The following HMCN2 variants were observed in gnomAD, a reference collection of about 807,000 sequenced individuals.
HMCN2 encodes hemicentin-2.
A neutral mutation model predicts 377.5 loss-of-function variants in HMCN2; 325 were observed. The observed-to-expected ratio is 0.86, with a 90% CI of 0.79 to 0.94. The LOEUF (loss-of-function observed/expected upper bound fraction) is 0.94, where lower values mean the gene tolerates loss of function less well. Among genes scored for constraint, HMCN2 ranks in the 40% least tolerant of loss-of-function variants. The probability of loss-of-function intolerance (pLI) is 0.00; values close to 1 mark genes in which losing one functional copy is unlikely to be tolerated. For missense variants in HMCN2, 4,543 were observed against 4,725.3 expected (o/e 0.96, Z 1.13); for synonymous variants, 2,007 against 2,046.8 (o/e 0.98, Z 0.53).
chr9:130,402,909 G>C lies in HMCN2; in HGVS notation c.11878+13G>C, dbSNP rs1263398600. Reference sequence around the variant, plus strand: ...CTCACTGTGCAAGGTAAGGGTCCGTGGTCCAGACCCCAGAGTTCCTAGGGC... The same window carrying C: ...CTCACTGTGCAAGGTAAGGGTCCGTCGTCCAGACCCCAGAGTTCCTAGGGC... On this transcript the variant is annotated intron_variant, in intron 78 of 97. Coordinates refer to ENST00000683500, the MANE Select transcript of HMCN2 (RefSeq NM_001291815.2). 2.3e-6 allele frequency: 3 copies of C among 1,287,754 alleles called. No individual in the cohort carries two copies. Among genetic ancestry groups the C allele is most frequent in the Non-Finnish European group, 3.0e-6 (3 of 987,784 alleles). The allele number at this position is 1,287,754 out of a possible 1,614,324, so 79.8% of individuals were successfully genotyped here.
chr9:130,431,346 C>G (rs750004333), intron 95 of HMCN2, 21 bp from the exon 96 acceptor site: 1 of 1,547,378 alleles, frequency 6.5e-7, no homozygotes, highest in South Asian at 1.2e-5. Flanking sequence ...CCCACCTGCC[C>G]CACCCCCATG....
chr9:130,266,456 A>T (rs1319142100), intron 1 of HMCN2, among the ~76,000 whole-genome samples: 1 of 152,178 alleles, frequency 6.6e-6, no homozygotes, highest in African/African-American at 2.4e-5. Flanking sequence ...AATGGTGAGG[A>T]TGGCCTCCCA....
intron 15 of HMCN2, among the ~76,000 whole-genome samples, chr9:130,311,169 C>T (rs1042849789): frequency 1.1e-4 from 17 of 152,174 alleles, no homozygotes; most frequent in Admixed American, 1.0e-3. Context: ...GAGGCCACGG[C>T]GAGAGAGGCA....
intron 15 of HMCN2, among the ~76,000 whole-genome samples, chr9:130,315,635 G>C (rs1245482056): frequency 6.6e-6 from 1 of 151,444 alleles, no homozygotes; most frequent in Non-Finnish European, 1.5e-5. Context: ...ACAGTATCCT[G>C]GTCAGCTCAG....
chr9:130,382,146 C>T (rs1467316407), intron 54 of HMCN2, 38 bp from the exon 55 acceptor site: 7 of 938,546 alleles, frequency 7.5e-6, no homozygotes, highest in Middle Eastern at 5.4e-4. Flanking sequence ...GGGTGACTCT[C>T]GTGCCTGAGC....
chr9:130,394,606 G>A lies in HMCN2; in HGVS notation c.10692+31G>A. 2 of 1,255,076 alleles carry A rather than the reference G, an allele frequency of 1.6e-6. No homozygotes were observed. Among genetic ancestry groups the A allele is most frequent in the Non-Finnish European group, 2.1e-6 (2 of 969,956 alleles). The allele number at this position is 1,255,076 out of a possible 1,614,324, so 77.7% of individuals were successfully genotyped here. A position where few individuals can be genotyped will look rare whatever the true frequency, so the allele number is the denominator to read the frequency against. On this transcript the variant is annotated intron_variant, in intron 69 of 97. Transcript: ENST00000683500. This position sits in a 1 kb window ranked among gnomAD's most constrained non-coding sequence, Gnocchi z 5.1. The stretch of plus-strand genomic sequence containing the variant: ...AGTGCCGCCGCCATGGGGCGAGGCT[G>A]GGGGTTGGGGGAGAGGGGAGGGACT...
chr9:130,402,888 C>T lies in HMCN2; in HGVS notation c.11870C>T (p.Thr3957Ile). The T allele has an allele frequency of 7.8e-7, 1 of 1,289,582 alleles. No individual in the cohort carries two copies. 79.9% of individuals were successfully genotyped at this position (1,289,582 alleles called of 1,614,324 possible). The change falls in exon 78 of 98, where the codon ACT becomes ATT. Residue 3957 changes from threonine (T) to isoleucine (I), a missense_variant. By Grantham distance (89) the Thr-to-Ile change is moderately conservative. Transcript: ENST00000683500. ...AGVAHKHVFL[T>I]VQASPVVKPL... The stretch of plus-strand genomic sequence containing the variant: ...GTAGCCCACAAGCACGTCTTCCTCA[C>T]TGTGCAAGGTAAGGGTCCGTGGTCC...
chr9:130,392,787 G>A (rs1842390709), intron 66 of HMCN2, among the ~76,000 whole-genome samples: 1 of 152,148 alleles, frequency 6.6e-6, no homozygotes, highest in African/African-American at 2.4e-5. Context: ...ACAAGGTCAG[G>A]AGATCAAGAC....
chr9:130,395,483 G>T, intron 71 of HMCN2, 136 bp downstream of exon 71: 3 of 708,674 alleles, frequency 4.2e-6, no homozygotes, highest in Non-Finnish European at 5.9e-6. Context: ...TTCCCCGGGT[G>T]TCATACCCCC....
In HMCN2 at chr9:130,414,325, T is replaced by C. The variant is rs562038990; in HGVS notation, c.12961+3673T>C. Among the ~76,000 whole-genome samples the C allele has an allele frequency of 9.5e-4, 144 of 152,304 alleles. No individual in the cohort carries two copies. The highest frequency in any genetic ancestry group is 3.4e-3 in the African/African-American group (142 of 41,578). Reference sequence around the variant, plus strand: ...CCCATCCACCCATGCTCAGCAGTAATGAGGCACCCCTCCCTGTTCCGGGCT... The same window carrying C: ...CCCATCCACCCATGCTCAGCAGTAACGAGGCACCCCTCCCTGTTCCGGGCT... On this transcript the variant is annotated intron_variant, in intron 85 of 97. Coordinates refer to ENST00000683500, the MANE Select transcript of HMCN2 (RefSeq NM_001291815.2). The surrounding 1 kb of genome is among the most constrained non-coding windows in gnomAD (Gnocchi z 4.4).
intron 8 of HMCN2, among the ~76,000 whole-genome samples, chr9:130,300,744 G>T (rs1836458864): frequency 6.6e-6 from 1 of 152,216 alleles, no homozygotes; most frequent in South Asian, 2.1e-4. Flanking sequence ...ATGGTCTGTT[G>T]GTTCCCGTAT....
intron 34 of HMCN2, among the ~76,000 whole-genome samples, chr9:130,357,059 A>AGGAT (rs201419400): frequency 0.12 from 12,530 of 105,950 alleles, 621 homozygotes; most frequent in East Asian, 0.2. Context: ...GATAGAAGGG[A>AGGAT]GGATGGATGG....
At position 130,427,543 on chromosome 9, in the gene HMCN2, C is replaced by A. The variant is rs1025702997; in HGVS notation, c.13989C>A (p.Cys4663Ter). ...SGGPSPCSHA[C>*]LNAPGRFSCT... is the part of the protein sequence containing the mutation. ...GCCCTAGCCCCTGCTCCCATGCCTG[C>A]CTTAATGCACCCGGCCGCTTCTCCT... The change falls in exon 92 of 98, where the codon TGC becomes TGA. Residue 4663 changes from cysteine to a stop codon, truncating the protein, a stop_gained. Coordinates refer to ENST00000683500, the MANE Select transcript of HMCN2 (RefSeq NM_001291815.2). LOFTEE classifies it high-confidence loss of function. The A allele has an allele frequency of 4.5e-6, 7 of 1,550,410 alleles. No individual in the cohort carries two copies. The African/African-American group carries it at 8.2e-5, about 18-fold the overall frequency.
Position 130,434,072 on chromosome 9 carries a change from G to A in HMCN2, c.*379G>A, listed in dbSNP as rs1844940830. The A allele has an allele frequency of 4.7e-6, 1 of 212,240 alleles. No homozygotes were observed. Among genetic ancestry groups the A allele is most frequent in the African/African-American group, 2.3e-5 (1 of 43,690 alleles). The allele number at this position is 212,240 out of a possible 1,614,324, so 13.1% of individuals were successfully genotyped here. ...AGCAGCTGTCGCCCGGCCACACCTG[G>A]TGGTGTCATTCTGAACCCTGTTGCA... On this transcript the variant is annotated 3_prime_UTR_variant, in exon 98 of 98. Transcript: ENST00000683500.
chr9:130,282,466 G>C (rs532764473), intron 1 of HMCN2, among the ~76,000 whole-genome samples: 21 of 152,350 alleles, frequency 1.4e-4, no homozygotes, highest in African/African-American at 5.1e-4. Context: ...AAGCTCCAAG[G>C]CTGAGGACTG....
At chr9:130,312,602 TTCTTTCTTTCTTTC>T (rs1283951802) in intron 15 of HMCN2, among the ~76,000 whole-genome samples, 4 of 107,656 alleles carry the variant, frequency 3.7e-5, no homozygotes, top group African/African-American at 1.4e-4. Context: ...CTTTCTTTCT[TTCTTTCTTTCTTTC>T]TCTGTCTCTC....
At chr9:130,323,367 G>T (rs1837951711) in intron 19 of HMCN2, among the ~76,000 whole-genome samples, 1 of 152,166 alleles carries the variant, frequency 6.6e-6, no homozygotes, top group African/African-American at 2.4e-5. Context: ...TCCCCTTAGA[G>T]ACCCCGTGTT....
chr9:130,353,270 TGCC>T, intron 31 of HMCN2, 65 bp downstream of exon 31: 1 of 1,263,556 alleles, frequency 7.9e-7, no homozygotes, highest in Non-Finnish European at 1.0e-6. Context: ...TGGTGGCCCC[TGCC>T]TGTCTCCAAA....
At chr9:130,398,153 CAAAAA>C (rs397940740) in intron 74 of HMCN2, among the ~76,000 whole-genome samples, 78 of 33,906 alleles carry the variant, frequency 2.3e-3, no homozygotes, top group Non-Finnish European at 3.8e-3. Context: ...ACTCCGTCTA[CAAAAA>C]AAAAAAAAAA....
Sources: gnomAD v4.1 joint callset for allele counts (sites outside exome capture counted in the v4.1 genomes callset) on GRCh38, gnomAD v4.1.1 for gene constraint, Gnocchi (gnomAD v3.1) non-coding constraint, MANE v1.5 for transcripts, NCBI Gene and HGNC (gene_info 2026-07-23, HGNC 2026-07-21) for gene names.